The following PI4KA variants were observed in gnomAD, a reference collection of about 807,000 sequenced individuals.
PI4KA encodes phosphatidylinositol 4-kinase alpha.
A neutral mutation model predicts 271.4 loss-of-function variants in PI4KA; 122 were observed. The ratio of observed to expected loss-of-function variants is 0.45; its 90% CI spans 0.39 to 0.52. PI4KA has a LOEUF of 0.52. PI4KA is among the 20% of genes least tolerant of loss of function. PI4KA has a pLI of 0.00. For synonymous variants in PI4KA, 1,041 were observed against 1,078.8 expected, an observed-to-expected ratio of 0.96 and a Z score of 0.69; for missense variants, 1,969 against 2,769.1, an observed-to-expected ratio of 0.71 and a Z score of 6.48.
At chr22:20,801,864 C>A in intron 14 of PI4KA, 109 bp downstream of exon 14, 2 of 1,219,642 alleles carry the variant, frequency 1.6e-6, no homozygotes, top group Non-Finnish European at 2.3e-6. Flanking sequence ...CCAGCCTGGG[C>A]AACAGAGCGA....
At chr22:20,726,389 G>A in intron 42 of PI4KA, 99 bp downstream of exon 42, 2 of 1,061,942 alleles carry the variant, frequency 1.9e-6, no homozygotes, top group East Asian at 3.1e-5. Context: ...CCCTGAGGAG[G>A]CTCTGAGGAG....
In PI4KA at chr22:20,787,149, G is replaced by C. The variant is rs941152219; in HGVS notation, c.2328+6044C>G. ...CAACAACGAGAACAGAGATGTTCTG[G>C]CATCATTTACGTAGTTTACGCTACC... On this transcript the variant is annotated intron_variant, in intron 19 of 54. Coordinates refer to ENST00000255882, the MANE Select transcript of PI4KA (RefSeq NM_058004.4). 7.0e-6 allele frequency: 9 copies of C among 1,284,918 alleles called. No homozygotes were observed. In the Admixed American group the frequency reaches 1.5e-4, roughly 22 times the overall value. The allele number at this position is 1,284,918 out of a possible 1,614,324, so 79.6% of individuals were successfully genotyped here. A position where few individuals can be genotyped will look rare whatever the true frequency, so the allele number is the denominator to read the frequency against.
At chr22:20,784,040 G>A (rs1237386248) in intron 19 of PI4KA, 1 of 1,614,178 alleles carries the variant, frequency 6.2e-7, no homozygotes, top group Admixed American at 1.7e-5. Flanking sequence ...TGAGAGAGAG[G>A]TAGTTAAGGT....
chr22:20,771,650 C>T (rs766344206), intron 19 of PI4KA, among the ~76,000 whole-genome samples: 2 of 151,778 alleles, frequency 1.3e-5, no homozygotes, highest in Admixed American at 6.6e-5. Flanking sequence ...GGCATGAACT[C>T]GGCTCACTGC....
chr22:20,734,780 C>G (rs1258256251), intron 32 of PI4KA: 5 of 697,466 alleles, frequency 7.2e-6, no homozygotes, highest in African/African-American at 1.8e-5. Flanking sequence ...TCTGTTCAAC[C>G]CGGTTCACCG....
intron 12 of PI4KA, 38 bp downstream of exon 12, chr22:20,804,262 G>A (rs1329913688): frequency 7.3e-7 from 1 of 1,367,018 alleles, no homozygotes; most frequent in Non-Finnish European, 1.0e-6. Flanking sequence ...AGGCCCTACA[G>A]GTGGGATCTG....
In PI4KA at chr22:20,749,983, C is replaced by T. The variant is rs1421188492; in HGVS notation, c.3165G>A (p.Lys1055=). ...TCATCCCACAGCGTGCAGCGAAGTC[C>T]TTCACAATGCTCTGGAAGAGGGTGA... is the stretch of plus-strand genomic sequence containing the variant. ...DTYEARESIV[K]DFAARCGMIL... The change falls in exon 28 of 55, where the codon AAG becomes AAA. Residue 1055 remains lysine (K), a synonymous_variant. Transcript: ENST00000255882. The T allele has an allele frequency of 6.2e-7, 1 of 1,612,162 alleles. No homozygotes were observed. The highest frequency in any genetic ancestry group is 1.3e-5 in the African/African-American group (1 of 74,974).
chr22:20,794,848 T>A (rs908315545), intron 18 of PI4KA, among the ~76,000 whole-genome samples: 3 of 152,142 alleles, frequency 2.0e-5, no homozygotes, highest in Non-Finnish European at 4.4e-5. Context: ...AAATACAATT[T>A]TATAGGAGCA....
intron 28 of PI4KA, among the ~76,000 whole-genome samples, chr22:20,749,399 C>T (rs957711361): frequency 6.6e-6 from 1 of 152,232 alleles, no homozygotes; most frequent in Non-Finnish European, 1.5e-5. Flanking sequence ...ACATGGTTTA[C>T]TTCGTGGCCA....
rs776833706 is a variant in PI4KA, at chr22:20,747,646, C to G, written c.3300G>C (p.Leu1100=). ...WVSGLSQHTG[L]AMATESILHF... is the part of the protein sequence containing the mutation. The stretch of plus-strand genomic sequence containing the variant: ...GAAGGATGCTCTCAGTGGCCATGGC[C>G]AGCCCCGTGTGCTGGGACAGTCCCG... Residue 1100 remains leucine (L), a synonymous_variant, in exon 29 of 55, where the codon CTG becomes CTC. Coordinates refer to ENST00000255882, the MANE Select transcript of PI4KA (RefSeq NM_058004.4). The G allele has an allele frequency of 2.5e-6, 4 of 1,613,986 alleles. No homozygotes were observed. The highest frequency in any genetic ancestry group is 3.4e-6 in the Non-Finnish European group (4 of 1,179,980).
chr22:20,843,852 A>G (rs1287738411), intron 1 of PI4KA, among the ~76,000 whole-genome samples: 9 of 152,136 alleles, frequency 5.9e-5, no homozygotes, highest in Admixed American at 4.6e-4. Context: ...CCATTGCCCA[A>G]TGAACACTCA....
At position 20,805,139 on chromosome 22, in the gene PI4KA, T is replaced by C; in HGVS notation, c.1195A>G (p.Ile399Val). The C allele has an allele frequency of 6.2e-7, 1 of 1,613,838 alleles. No individual in the cohort carries two copies. The highest frequency in any genetic ancestry group is 8.5e-7 in the Non-Finnish European group (1 of 1,179,868). Residue 399 changes from isoleucine (I) to valine (V), a missense_variant, in exon 11 of 55, where the codon ATC becomes GTC. Transcript: ENST00000255882. Reference sequence around the variant, plus strand: ...AACTGCTCCAGCACAAAATCATGGATCTCCTTCACAAAAGAGGTCGGGAGG... The same window carrying C: ...AACTGCTCCAGCACAAAATCATGGACCTCCTTCACAAAAGAGGTCGGGAGG... ...KDLPTSFVKE[I>V]HDFVLEQFNT... is the part of the protein sequence containing the mutation.
rs1034940406 is a variant in PI4KA at position 20,804,142 on chromosome 22, AT to A, written c.1461+157del. Among the ~76,000 whole-genome samples, 4,537 of 152,310 alleles carry A rather than the reference AT, an allele frequency of 0.03. 222 individuals are homozygous for A. Among genetic ancestry groups the A allele is most frequent in the African/African-American group, 0.1 (4,251 of 41,564 alleles). On this transcript the variant is annotated intron_variant, in intron 12 of 54. Transcript: ENST00000255882. ...TGCAGGGGGCAGCCCACACTCAGTG[AT>A]GAACTGTGCACAGCACGCACTGGTT... is the stretch of plus-strand genomic sequence containing the variant.
At position 20,818,497 on chromosome 22, in the gene PI4KA, A is replaced by G. The variant is rs376838661; in HGVS notation, c.842T>C (p.Phe281Ser). 16 of 1,580,154 alleles carry G rather than the reference A, an allele frequency of 1.0e-5. No individual in the cohort carries two copies. In the African/African-American group the frequency reaches 1.9e-4, roughly 19 times the overall value. The change falls in exon 7 of 55, where the codon TTT becomes TCT. Residue 281 changes from phenylalanine to serine, a missense_variant. This residue lies in a region of PI4KA where 540 missense variants were observed against 555.5 expected (regional missense o/e 0.97). Coordinates refer to ENST00000255882, the MANE Select transcript of PI4KA (RefSeq NM_058004.4). The stretch of plus-strand genomic sequence containing the variant: ...GTGAAGCCCACCTTCAAAGTAGTGA[A>G]AGGCAGATCCTCCAGGGGAACTGGG... The part of the protein sequence containing the change: ...PPPSSPGGSA[F>S]HYFEASCLPD...
intron 32 of PI4KA, among the ~76,000 whole-genome samples, chr22:20,738,444 T>C (rs1279956718): frequency 6.6e-6 from 1 of 152,184 alleles, no homozygotes; most frequent in African/African-American, 2.4e-5. Context: ...ATCTTTCCCC[T>C]CTCAGTGAAA....
intron 30 of PI4KA, 92 bp downstream of exon 30, chr22:20,744,536 C>T (rs1003111169): frequency 1.3e-5 from 11 of 816,536 alleles, no homozygotes; most frequent in East Asian, 5.1e-5. Context: ...ATCACCGGGA[C>T]GCTTTGTTCA....
At position 20,838,716 on chromosome 22, in the gene PI4KA, AAAG is replaced by A. The variant is rs1333835012; in HGVS notation, c.169_171del (p.Leu57del). 1 of 1,610,558 alleles carries A rather than the reference AAAG, an allele frequency of 6.2e-7. No homozygotes were observed. Among genetic ancestry groups the A allele is most frequent in the African/African-American group, 1.3e-5 (1 of 74,814 alleles). ...CCATGGAAATCCACTGGACACATGC[AAAG>A]AAGCTTTTGGACCTAGAAAATGAGA... On this transcript the variant is annotated inframe_deletion, in exon 2 of 55. Coordinates refer to ENST00000255882, the MANE Select transcript of PI4KA (RefSeq NM_058004.4).
At chr22:20,798,726 C>G in intron 16 of PI4KA, 39 bp from the exon 17 acceptor site, 2 of 1,334,240 alleles carry the variant, frequency 1.5e-6, no homozygotes, top group Non-Finnish European at 2.2e-6. Flanking sequence ...ATGCAGGATG[C>G]CCTCATGAGG....
intron 33 of PI4KA, 73 bp downstream of exon 33, chr22:20,734,322 C>G: frequency 7.2e-7 from 1 of 1,380,698 alleles, no homozygotes; most frequent in Non-Finnish European, 9.9e-7. Flanking sequence ...GGCTCGGCTA[C>G]CCCCACCCCA....
Sources: allele counts gnomAD v4.1 joint callset (sites outside exome capture counted in the v4.1 genomes callset), GRCh38; gene constraint gnomAD v4.1.1; regional missense constraint gnomAD v4.1.1; transcripts MANE v1.5; gene names NCBI Gene and HGNC (gene_info 2026-07-23, HGNC 2026-07-21).